ST7: variants seen among roughly 807,000 people sequenced by gnomAD.
ST7 encodes suppressor of tumorigenicity 7 protein.
Under a neutral mutation model 78.7 loss-of-function variants are expected in ST7, and 28 were observed. The ratio of observed to expected loss-of-function variants is 0.36; its 90% CI spans 0.26 to 0.49. ST7 has a LOEUF of 0.49. Among genes scored for constraint, ST7 ranks in the 20% least tolerant of loss-of-function variants. The pLI is 0.99. For synonymous variants in ST7, 247 were observed against 249.6 expected (o/e 0.99, Z 0.10); for missense variants, 418 against 696.0 (o/e 0.60, Z 4.49).
chr7:117,155,026 T>C (rs1026635999), intron 9 of ST7, among the ~76,000 whole-genome samples: 59 of 151,990 alleles, frequency 3.9e-4, no homozygotes, highest in African/African-American at 1.4e-3. Context: ...AGGGGAGACA[T>C]GAATGATAAA....
chr7:117,047,836 A>G (rs1253345571), intron 1 of ST7, among the ~76,000 whole-genome samples: 1 of 152,192 alleles, frequency 6.6e-6, no homozygotes, highest in African/African-American at 2.4e-5. Flanking sequence ...CTTGGAAGTC[A>G]GGGATTTATT....
At chr7:117,208,781 T>G (rs980770188) in intron 12 of ST7, among the ~76,000 whole-genome samples, 6 of 152,312 alleles carry the variant, frequency 3.9e-5, no homozygotes, top group African/African-American at 1.2e-4. Flanking sequence ...AACACCTTTT[T>G]AAGCGCTTGA....
chr7:117,085,745 A>G (rs917523225), intron 1 of ST7, among the ~76,000 whole-genome samples: 16 of 152,144 alleles, frequency 1.1e-4, no homozygotes, highest in African/African-American at 3.9e-4. Context: ...CCCGATTTTT[A>G]TGTAGAAAGT....
At chr7:117,141,039 T>C (rs1391195681) in intron 9 of ST7, among the ~76,000 whole-genome samples, 1 of 152,214 alleles carries the variant, frequency 6.6e-6, no homozygotes, top group Admixed American at 6.5e-5. Flanking sequence ...TCAAGATAAC[T>C]GCGACTTCCC....
At chr7:117,155,989 G>A (rs1030174196) in intron 9 of ST7, among the ~76,000 whole-genome samples, 4 of 152,138 alleles carry the variant, frequency 2.6e-5, no homozygotes, top group African/African-American at 9.7e-5. Flanking sequence ...ACCAGTTTCT[G>A]TTTATGTGTC....
intron 1 of ST7, among the ~76,000 whole-genome samples, chr7:117,094,758 G>A (rs962641455): frequency 3.9e-5 from 6 of 152,028 alleles, no homozygotes; most frequent in African/African-American, 1.4e-4. Context: ...CCTATTCCTG[G>A]TCTCTTTCCT....
intron 2 of ST7, among the ~76,000 whole-genome samples, chr7:117,103,882 A>G (rs1385004746): frequency 5.3e-5 from 8 of 152,256 alleles, no homozygotes; most frequent in African/African-American, 1.9e-4. Flanking sequence ...AGGAGCTCAA[A>G]TAACTCAATA....
At chr7:116,967,186 T>A (rs140337458) in intron 1 of ST7, 28 of 336,072 alleles carry the variant, frequency 8.3e-5, no homozygotes, top group African/African-American at 5.4e-4. Flanking sequence ...AGCAATGTTC[T>A]CCTAGATGTG....
In ST7 at chr7:117,189,413, C is replaced by T. The variant is rs369057658; in HGVS notation, c.1151+20C>T. On this transcript the variant is annotated intron_variant, in intron 11 of 15. Coordinates refer to ENST00000323984, the MANE Select transcript of ST7 (RefSeq NM_001369598.1). ...TGACAAGTAAGTGAATAATAGTTTG[C>T]GCGGTACTAATGCCTGACCGGAATT... 74 of 1,574,708 alleles carry T rather than the reference C, an allele frequency of 4.7e-5. No homozygotes were observed. The highest frequency in any genetic ancestry group is 6.9e-5 in the East Asian group (3 of 43,716).
At chr7:117,115,070 T>C (rs1348636054) in intron 2 of ST7, among the ~76,000 whole-genome samples, 1 of 152,152 alleles carries the variant, frequency 6.6e-6, no homozygotes, top group East Asian at 1.9e-4. Context: ...ATCTGGGCCC[T>C]GAGTATAGCT....
intron 1 of ST7, among the ~76,000 whole-genome samples, chr7:116,977,858 G>A (rs1212367982): frequency 6.6e-6 from 1 of 152,178 alleles, no homozygotes; most frequent in African/African-American, 2.4e-5. Context: ...CGGCCGAGTG[G>A]TGGTATTTTT....
chr7:117,106,245 G>A (rs1330218400), intron 2 of ST7, among the ~76,000 whole-genome samples: 25 of 151,788 alleles, frequency 1.6e-4, no homozygotes, highest in East Asian at 5.8e-4. Context: ...AGATCCACCC[G>A]CCTCGGCCTC....
chr7:117,067,423 C>T (rs1266215205), intron 1 of ST7, among the ~76,000 whole-genome samples: 3 of 151,958 alleles, frequency 2.0e-5, no homozygotes, highest in African/African-American at 7.3e-5. Context: ...GGAAAAGAGA[C>T]CCCAGTATAG....
chr7:117,229,718 A>G (rs761478933), intron 15 of ST7, 44 bp from the exon 16 acceptor site: 2 of 1,532,048 alleles, frequency 1.3e-6, no homozygotes, highest in East Asian at 2.3e-5. Context: ...ATAGTCTTGA[A>G]CAAGGTTTCT....
intron 1 of ST7, among the ~76,000 whole-genome samples, chr7:117,092,090 G>A (rs140716797): frequency 3.9e-5 from 6 of 151,972 alleles, no homozygotes; most frequent in Non-Finnish European, 5.9e-5. Context: ...AGCAAGTCCC[G>A]TACTCCATGT....
intron 1 of ST7, among the ~76,000 whole-genome samples, chr7:117,029,304 T>A (rs1263348967): frequency 6.6e-6 from 1 of 152,158 alleles, no homozygotes; most frequent in African/African-American, 2.4e-5. Flanking sequence ...GGGTGTGTAA[T>A]GGTATATTGT....
rs113865440 is a variant in ST7, at chr7:116,977,919, T to G, written c.151+24228T>G. ...AAACAATAAAAATTGAAAAGGAATTTCTTTCTATACTGTTATTTCTTAAAG... is the reference window on the plus strand; with the variant it reads ...AAACAATAAAAATTGAAAAGGAATTGCTTTCTATACTGTTATTTCTTAAAG... On this transcript the variant is annotated intron_variant, in intron 1 of 15. Coordinates refer to ENST00000323984, the MANE Select transcript of ST7 (RefSeq NM_001369598.1). 3.7e-3 allele frequency among the ~76,000 whole-genome samples: 570 copies of G among 152,340 alleles called. 2 individuals carry two copies. Among genetic ancestry groups the G allele is most frequent in the Middle Eastern group, 0.017 (5 of 294 alleles).
At chr7:117,216,349 C>T (rs1187670227) in intron 13 of ST7, among the ~76,000 whole-genome samples, 2 of 152,102 alleles carry the variant, frequency 1.3e-5, no homozygotes, top group African/African-American at 4.8e-5. Context: ...AGTGGCCTAA[C>T]TTTTTTGTTT....
chr7:117,020,489 C>A, intron 1 of ST7: 1 of 1,244,974 alleles, frequency 8.0e-7, no homozygotes, highest in Non-Finnish European at 1.1e-6. Flanking sequence ...GCTTCATGAC[C>A]CCTGCTGTGT....
Sources: gnomAD v4.1 joint callset for allele counts (sites outside exome capture counted in the v4.1 genomes callset) on GRCh38, gnomAD v4.1.1 for gene constraint, MANE v1.5 for transcripts, NCBI Gene and HGNC (gene_info 2026-07-23, HGNC 2026-07-21) for gene names.